Variants in DNAH12 observed in about 807,000 individuals in gnomAD.
DNAH12 encodes the protein dynein axonemal heavy chain 12, also known as axonemal beta dynein heavy chain 12.
DNAH12 carries 285 observed loss-of-function variants against 371.5 expected under a neutral mutation model. That is an observed-to-expected ratio of 0.77 (90% CI 0.70 to 0.85). The LOEUF (loss-of-function observed/expected upper bound fraction) is 0.85. Ranked by LOEUF, DNAH12 falls within the 40% of genes least tolerant of loss-of-function variation. The pLI is 0.00. For missense variants in DNAH12, 3,611 were observed against 3,689.4 expected (o/e 0.98, Z 0.55); for synonymous variants, 1,200 against 1,213.0 (o/e 0.99, Z 0.22).
intron 60 of DNAH12, among the ~76,000 whole-genome samples, chr3:57,343,154 A>C (rs2062447349): frequency 6.6e-6 from 1 of 152,202 alleles, no homozygotes; most frequent in Non-Finnish European, 1.5e-5. Context: ...ACATGAAAAA[A>C]TGTTTGATAT....
intron 60 of DNAH12, among the ~76,000 whole-genome samples, chr3:57,349,077 T>A (rs1429493039): frequency 6.6e-6 from 1 of 152,134 alleles, no homozygotes; most frequent in Non-Finnish European, 1.5e-5. Context: ...ACAATCTATA[T>A]ATCTGGCAAA....
chr3:57,312,904 A>G (rs1184546527), intron 66 of DNAH12, among the ~76,000 whole-genome samples: 1 of 152,216 alleles, frequency 6.6e-6, no homozygotes, highest in Admixed American at 6.5e-5. Context: ...CTATTTCTAT[A>G]CAAATTATGT....
chr3:57,381,958 C>T (rs938883872), intron 50 of DNAH12, among the ~76,000 whole-genome samples: 3 of 151,938 alleles, frequency 2.0e-5, no homozygotes, highest in Non-Finnish European at 4.4e-5. Context: ...ACCTCTGCCT[C>T]CTGGGTTCAA....
intron 57 of DNAH12, among the ~76,000 whole-genome samples, chr3:57,364,226 T>C (rs2062999157): frequency 6.6e-6 from 1 of 152,248 alleles, no homozygotes; most frequent in South Asian, 2.1e-4. Flanking sequence ...TGTCAAAACA[T>C]TTATATCAAA....
intron 2 of DNAH12, among the ~76,000 whole-genome samples, chr3:57,541,158 G>A (rs577276871): frequency 2.0e-5 from 3 of 151,240 alleles, no homozygotes; most frequent in South Asian, 4.2e-4. Flanking sequence ...TCCTGCCTCC[G>A]CCTCCTGAGT....
intron 66 of DNAH12, among the ~76,000 whole-genome samples, chr3:57,313,806 C>CA (rs2061630364): frequency 2.0e-5 from 3 of 151,910 alleles, no homozygotes; most frequent in South Asian, 2.1e-4. Flanking sequence ...GACCCCATCT[C>CA]AAAAAAAATT....
intron 30 of DNAH12, among the ~76,000 whole-genome samples, chr3:57,434,065 C>T (rs896037600): frequency 1.3e-5 from 2 of 152,148 alleles, no homozygotes; most frequent in East Asian, 1.9e-4. Flanking sequence ...CTCCAAATGA[C>T]AATGAAAACT....
At chr3:57,335,851 TAA>T (rs2062209953) in intron 60 of DNAH12, among the ~76,000 whole-genome samples, 1 of 152,168 alleles carries the variant, frequency 6.6e-6, no homozygotes, top group Admixed American at 6.5e-5. Context: ...CTAAGAAATA[TAA>T]GTTATTGCCA....
chr3:57,337,783 C>G (rs2062263865), intron 60 of DNAH12, among the ~76,000 whole-genome samples: 1 of 152,130 alleles, frequency 6.6e-6, no homozygotes, highest in Admixed American at 6.5e-5. Context: ...CAGTTGGAGA[C>G]TTCAACACCC....
intron 51 of DNAH12, among the ~76,000 whole-genome samples, chr3:57,379,583 G>A (rs2063344594): frequency 6.6e-6 from 1 of 152,054 alleles, no homozygotes; most frequent in African/African-American, 2.4e-5. Flanking sequence ...GCTCACACCT[G>A]TAATCCCAGC....
chr3:57,420,852 T>C (rs1043692660), intron 36 of DNAH12, among the ~76,000 whole-genome samples: 3 of 133,542 alleles, frequency 2.2e-5, no homozygotes, highest in Non-Finnish European at 3.0e-5. Flanking sequence ...GAGCTTGCAG[T>C]GAGCCGAGAT....
At chr3:57,484,651 C>T (rs909621105) in intron 12 of DNAH12, among the ~76,000 whole-genome samples, 4 of 151,922 alleles carry the variant, frequency 2.6e-5, no homozygotes, top group Non-Finnish European at 4.4e-5. Context: ...TGACTAAGAC[C>T]TCAAAAGCAA....
At chr3:57,303,453 A>G (rs573581451) in intron 69 of DNAH12, among the ~76,000 whole-genome samples, 50 of 148,146 alleles carry the variant, frequency 3.4e-4, no homozygotes, top group Non-Finnish European at 5.5e-4. Context: ...ACTGTGTAAC[A>G]CAGGCTGGAG....
chr3:57,522,652 C>G (rs1273938501), intron 4 of DNAH12, among the ~76,000 whole-genome samples: 2 of 152,104 alleles, frequency 1.3e-5, no homozygotes, highest in African/African-American at 4.8e-5. Context: ...GCCTCTATCC[C>G]CCAAAGTGAA....
intron 60 of DNAH12, among the ~76,000 whole-genome samples, chr3:57,342,901 C>T (rs2153315604): frequency 6.6e-6 from 1 of 152,016 alleles, no homozygotes; most frequent in South Asian, 2.1e-4. Flanking sequence ...AACCCTGTCT[C>T]TACAAAAAGA....
chr3:57,351,985 G>C, intron 60 of DNAH12, 100 bp downstream of exon 60: 1 of 1,239,700 alleles, frequency 8.1e-7, no homozygotes, highest in Non-Finnish European at 1.1e-6. Flanking sequence ...TGACTTAAGC[G>C]AAGAAAAATA....
At chr3:57,452,741 G>C (rs933204384) in intron 25 of DNAH12, 102 bp downstream of exon 25, 2 of 1,080,054 alleles carry the variant, frequency 1.9e-6, no homozygotes, top group South Asian at 3.5e-5. Flanking sequence ...ATTAGAAAGG[G>C]ATAATTGTAT....
At position 57,446,687 on chromosome 3, in the gene DNAH12, T is replaced by A. The variant is rs2065510241; in HGVS notation, c.3789A>T (p.Ile1263=). 22 of 1,488,718 alleles carry A rather than the reference T, an allele frequency of 1.5e-5. No individual in the cohort carries two copies. The highest frequency in any genetic ancestry group is 2.0e-5 in the Non-Finnish European group (22 of 1,116,704). The allele number at this position is 1,488,718 out of a possible 1,614,324, so 92.2% of individuals were successfully genotyped here. The part of the protein sequence containing the change: ...PLTDRCYRTL[I]GAFYLNLGGA... The stretch of plus-strand genomic sequence containing the variant: ...CTCCAAGGTTTAAATAGAAAGCACC[T>A]ATCTGAAATGAAAAACACATGTGAA... Residue 1263 remains isoleucine (I), a splice_region_variant and synonymous_variant, in exon 26 of 74, where the codon ATA becomes ATT. Coordinates refer to ENST00000495027, the MANE Select transcript of DNAH12 (RefSeq NM_001366028.2).
At chr3:57,440,516 GACT>G (rs1404160222) in intron 29 of DNAH12, among the ~76,000 whole-genome samples, 1 of 152,224 alleles carries the variant, frequency 6.6e-6, no homozygotes, top group East Asian at 1.9e-4. Context: ...AGACACTGGG[GACT>G]ACTAAGGGGA....
Sources: allele counts gnomAD v4.1 joint callset (sites outside exome capture counted in the v4.1 genomes callset), GRCh38; gene constraint gnomAD v4.1.1; transcripts MANE v1.5; gene names NCBI Gene and HGNC (gene_info 2026-07-23, HGNC 2026-07-21).